Variants in TASOR observed in about 807,000 individuals in gnomAD.
TASOR encodes the protein transcription activation suppressor.
A neutral mutation model predicts 178.6 loss-of-function variants in TASOR; 53 were observed. The ratio of observed to expected loss-of-function variants is 0.30; its 90% confidence interval spans 0.24 to 0.37. The LOEUF (loss-of-function observed/expected upper bound fraction) is 0.37, where lower values mean the gene tolerates loss of function less well. Ranked by LOEUF, TASOR falls within the 10% of genes least tolerant of loss-of-function variation. The pLI, the probability that TASOR is intolerant of heterozygous loss-of-function variation, is 1.00. For synonymous variants in TASOR, 713 were observed against 696.2 expected, an observed-to-expected ratio of 1.02 and a Z score of -0.38; for missense variants, 1,815 against 1,971.4, an observed-to-expected ratio of 0.92 and a Z score of 1.50.
rs2077051618 is a variant in TASOR, at chr3:56,638,039, GCTTACC to G, written c.2824+661_2824+666del. ...GAATAGTATACCTAAAATATAAATG[GCTTACC>G]CTTCTTGGCTATTTTTTAAAAATTT... is the stretch of plus-strand genomic sequence containing the variant. On this transcript the variant is annotated intron_variant, in intron 17 of 23. Coordinates refer to ENST00000683822, the MANE Select transcript of TASOR (RefSeq NM_001365635.2). 2.0e-5 allele frequency among the ~76,000 whole-genome samples: 3 copies of G among 152,160 alleles called. No individual in the cohort carries two copies. In the East Asian group the frequency reaches 5.8e-4, roughly 29 times the overall value.
chr3:56,655,903 C>G (rs558173619), intron 11 of TASOR, among the ~76,000 whole-genome samples: 2 of 152,108 alleles, frequency 1.3e-5, no homozygotes, highest in Non-Finnish European at 2.9e-5. Flanking sequence ...CTTATGATGA[C>G]GTGAGATGAT....
In TASOR at chr3:56,646,513, A is replaced by G. The variant is rs1444664283; in HGVS notation, c.2215+9T>C. On this transcript the variant is annotated intron_variant, in intron 14 of 23. Transcript: ENST00000683822. ...TTTTGGCTGTTATAAGAGCAATCTG[A>G]TATTTTACCTTCATACAGATGGCAA... The G allele has an allele frequency of 1.3e-6, 2 of 1,581,102 alleles. No individual in the cohort carries two copies. Among genetic ancestry groups the G allele is most frequent in the Admixed American group, 1.9e-5 (1 of 53,592 alleles).
At chr3:56,680,131 CTT>C (rs2031663671) in intron 1 of TASOR, among the ~76,000 whole-genome samples, 3 of 152,048 alleles carry the variant, frequency 2.0e-5, no homozygotes, top group Non-Finnish European at 2.9e-5. Context: ...CAAGATTTTT[CTT>C]TTTTATAGTA....
chr3:56,649,863 C>T (rs1353159816), intron 11 of TASOR, among the ~76,000 whole-genome samples: 2 of 152,136 alleles, frequency 1.3e-5, no homozygotes, highest in Non-Finnish European at 2.9e-5. Context: ...AGTTTACAAA[C>T]ATCACAATAT....
chr3:56,637,780 A>C (rs1045798438), intron 17 of TASOR, among the ~76,000 whole-genome samples: 8 of 152,148 alleles, frequency 5.3e-5, no homozygotes, highest in Non-Finnish European at 8.8e-5. Flanking sequence ...ACAAAACTGA[A>C]GGAAAATATA....
At position 56,623,377 on chromosome 3, in the gene TASOR, C is replaced by T. The variant is rs771008289; in HGVS notation, c.4673G>A (p.Ser1558Asn). The T allele has an allele frequency of 6.2e-7, 1 of 1,613,628 alleles. No individual in the cohort carries two copies. The highest frequency in any genetic ancestry group is 1.1e-5 in the South Asian group (1 of 91,072). ...AAGGTAAGTCTTATCTTCTAATAAACTGTTTTGCACATCAGGAGACGATTG... is the reference window on the plus strand; with the variant it reads ...AAGGTAAGTCTTATCTTCTAATAAATTGTTTTGCACATCAGGAGACGATTG... ...ELQSSPDVQN[S>N]LLEDKTYLDS... The change falls in exon 24 of 24, where the codon AGT becomes AAT. Residue 1558 changes from serine to asparagine, a missense_variant. Around this residue, in one of 5 missense-constraint regions of TASOR, gnomAD observed 278 missense variants for 257.1 expected, o/e 1.08. Coordinates refer to ENST00000683822, the MANE Select transcript of TASOR (RefSeq NM_001365635.2).
At chr3:56,630,440 G>A (rs1031946867) in intron 18 of TASOR, among the ~76,000 whole-genome samples, 3 of 152,266 alleles carry the variant, frequency 2.0e-5, no homozygotes, top group South Asian at 2.1e-4. Context: ...TATCAGATTC[G>A]TAAAACAAAG....
At chr3:56,664,948 G>A (rs1287960489) in intron 7 of TASOR, among the ~76,000 whole-genome samples, 1 of 152,202 alleles carries the variant, frequency 6.6e-6, no homozygotes, top group East Asian at 1.9e-4. Flanking sequence ...ACCAAGGCAG[G>A]AGAACTGCTT....
At chr3:56,660,858 A>G (rs1217278479) in intron 10 of TASOR, 24 bp from the exon 11 acceptor site, 1 of 1,609,618 alleles carries the variant, frequency 6.2e-7, no homozygotes, top group Non-Finnish European at 8.5e-7. Flanking sequence ...AATACATAGT[A>G]AATATCCAAA....
At chr3:56,628,321 T>C (rs77290819) in intron 19 of TASOR, among the ~76,000 whole-genome samples, 171 bp downstream of exon 19, 5 of 152,344 alleles carry the variant, frequency 3.3e-5, no homozygotes, top group African/African-American at 1.2e-4. Flanking sequence ...GTGCAGCAAT[T>C]TAAAATTTTG....
chr3:56,680,293 A>G (rs183214242), intron 1 of TASOR, among the ~76,000 whole-genome samples: 1 of 152,302 alleles, frequency 6.6e-6, no homozygotes, highest in East Asian at 1.9e-4. Flanking sequence ...GATTTAGTCA[A>G]TGTATGTAAA....
chr3:56,681,140 C>T (rs35940731), intron 1 of TASOR, among the ~76,000 whole-genome samples: 5,044 of 151,082 alleles, frequency 0.033, 113 homozygotes, highest in Middle Eastern at 0.079. Context: ...GCACTTAAAC[C>T]TTAAAAATAG....
chr3:56,628,456 T>A (rs537212085), intron 19 of TASOR, 36 bp downstream of exon 19: 2 of 1,577,604 alleles, frequency 1.3e-6, no homozygotes, highest in South Asian at 1.2e-5. Context: ...AGGGAGTTTT[T>A]AAAACCAAAG....
chr3:56,640,297 C>T (rs1177159690), intron 15 of TASOR, among the ~76,000 whole-genome samples, 167 bp from the exon 16 acceptor site: 1 of 152,036 alleles, frequency 6.6e-6, no homozygotes, highest in African/African-American at 2.4e-5. Context: ...ACATCTTTTC[C>T]CTCGAAACAT....
rs1339204790 is a variant in TASOR at position 56,682,981 on chromosome 3, G to C, written c.26C>G (p.Ala9Gly). 1.3e-6 allele frequency: 2 copies of C among 1,548,780 alleles called. No individual in the cohort carries two copies. The highest frequency in any genetic ancestry group is 1.2e-5 in the South Asian group (1 of 83,936). MATAVETE[A>G]CQPTDASWES... ...CCAACTCGCATCCGTCGGCTGACAG[G>C]CCTCCGTCTCCACAGCAGTCGCCAT... is the stretch of plus-strand genomic sequence containing the variant. Residue 9 changes from alanine to glycine, a missense_variant, in exon 1 of 24, where the codon GCC (alanine) becomes GGC (glycine). Ala to Gly is a moderately conservative substitution (Grantham distance 60). Coordinates refer to ENST00000683822, the MANE Select transcript of TASOR (RefSeq NM_001365635.2).
chr3:56,621,793 T>TA lies in TASOR; in HGVS notation c.*1243dup, dbSNP rs2076669127. The stretch of plus-strand genomic sequence containing the variant: ...TACTTGTTCTATACAATAAAACAGA[T>TA]ACTTCTTTTGTAAAAGCTTAGTAGT... On this transcript the variant is annotated 3_prime_UTR_variant, in exon 24 of 24. Coordinates refer to ENST00000683822, the MANE Select transcript of TASOR (RefSeq NM_001365635.2). 3.7e-6 allele frequency: 1 copy of TA among 266,688 alleles called. No homozygotes were observed. The highest frequency in any genetic ancestry group is 2.4e-5 in the African/African-American group (1 of 42,478). 16.5% of individuals were successfully genotyped at this position (266,688 alleles called of 1,614,324 possible). A position where few individuals can be genotyped will look rare whatever the true frequency, so the allele number is the denominator to read the frequency against.
At chr3:56,653,849 T>TA (rs1348936331) in intron 11 of TASOR, among the ~76,000 whole-genome samples, 3 of 152,144 alleles carry the variant, frequency 2.0e-5, no homozygotes, top group Admixed American at 6.5e-5. Context: ...AAAAATTTCT[T>TA]AGAAATGAAT....
chr3:56,681,537 G>A (rs2031781305), intron 1 of TASOR, among the ~76,000 whole-genome samples: 1 of 152,110 alleles, frequency 6.6e-6, no homozygotes, highest in Non-Finnish European at 1.5e-5. Flanking sequence ...AACAATTCCA[G>A]TAGTGCAAAT....
intron 13 of TASOR, among the ~76,000 whole-genome samples, chr3:56,647,895 A>T (rs1317758302): frequency 6.6e-6 from 1 of 152,240 alleles, no homozygotes; most frequent in Non-Finnish European, 1.5e-5. Flanking sequence ...AAGCTAAAAA[A>T]TAATCATACA....
Sources: allele counts gnomAD v4.1 joint callset (sites outside exome capture counted in the v4.1 genomes callset), GRCh38; gene constraint gnomAD v4.1.1; regional missense constraint gnomAD v4.1.1; transcripts MANE v1.5; gene names NCBI Gene and HGNC (gene_info 2026-07-23, HGNC 2026-07-21).